Variants in SPATA6 observed in about 807,000 individuals in gnomAD.
SPATA6 encodes spermatogenesis associated 6.
In SPATA6, 56 loss-of-function variants were observed where a neutral mutation model predicts 65.3. The observed-to-expected ratio is 0.86, with a 90% CI of 0.69 to 1.07. The LOEUF (loss-of-function observed/expected upper bound fraction) is 1.07, where lower values mean the gene tolerates loss of function less well. SPATA6 is among the 50% of genes least tolerant of loss of function. The pLI is 0.00. For synonymous variants in SPATA6, 199 were observed against 213.2 expected (o/e 0.93, Z 0.58); for missense variants, 590 against 594.8 (o/e 0.99, Z 0.08).
Position 48,298,640 on chromosome 1 carries a change from C to A in SPATA6, c.*73G>T. ...CCCATTTTTTTTAAAAAAAGGAATACAGATATTGATCACATCAAACATTTT... is the reference window on the plus strand; with the variant it reads ...CCCATTTTTTTTAAAAAAAGGAATAAAGATATTGATCACATCAAACATTTT... On this transcript the variant is annotated 3_prime_UTR_variant, in exon 13 of 13. Coordinates refer to ENST00000371847, the MANE Select transcript of SPATA6 (RefSeq NM_019073.4). The A allele has an allele frequency of 7.1e-7, 1 of 1,403,270 alleles. No individual in the cohort carries two copies. Among genetic ancestry groups the A allele is most frequent in the Non-Finnish European group, 9.6e-7 (1 of 1,040,398 alleles). The allele number at this position is 1,403,270 out of a possible 1,614,324, so 86.9% of individuals were successfully genotyped here. A position where few individuals can be genotyped will look rare whatever the true frequency, so the allele number is the denominator to read the frequency against.
chr1:48,316,552 CTT>C (rs1295386383), intron 11 of SPATA6, among the ~76,000 whole-genome samples: 3,621 of 151,942 alleles, frequency 0.024, 94 homozygotes, highest in African/African-American at 0.067. Context: ...TAAAGACTTA[CTT>C]GTTAGACCTA....
rs1446170834 is a variant in SPATA6 at position 48,326,531 on chromosome 1, A to AG, written c.1195-20654_1195-20653insC. ...AAAGTTCATATGAAACAAAAAAAAA[A>AG]AAAAAGAAAAAGCCTGAATAGCTAA... is the stretch of plus-strand genomic sequence containing the variant. On this transcript the variant is annotated intron_variant, in intron 11 of 12. Transcript: ENST00000371847. Among the ~76,000 whole-genome samples, 3 of 151,842 alleles carry AG rather than the reference A, an allele frequency of 2.0e-5. No homozygotes were observed. In the East Asian group the frequency reaches 5.8e-4, roughly 29 times the overall value.
chr1:48,262,349 T>C, the SPATA6 span: 1 of 152,080 alleles, frequency 6.6e-6, no homozygotes, highest in Non-Finnish European at 1.5e-5. Context: ...CTTCTGAAAA[T>C]GGCACCAAGG....
At chr1:48,407,187 GCTGATGAC>G in intron 5 of SPATA6, among the ~76,000 whole-genome samples, 1 of 152,110 alleles carries the variant, frequency 6.6e-6, no homozygotes, top group Non-Finnish European at 1.5e-5. Flanking sequence ...CCTACCCTCT[GCTGATGAC>G]CTGTGTATAG....
In SPATA6 at chr1:48,355,656, T is replaced by A. The variant is rs1646637681; in HGVS notation, c.1194+14A>T. The A allele has an allele frequency of 6.3e-7, 1 of 1,577,746 alleles. No individual in the cohort carries two copies. The highest frequency in any genetic ancestry group is 8.7e-7 in the Non-Finnish European group (1 of 1,156,038). ...ATTATAAATAGTCTTCAAAAAAAAA[T>A]TTTAGAAACTAACATATAAATGTCT... On this transcript the variant is annotated intron_variant, in intron 11 of 12. Transcript: ENST00000371847.
intron 3 of SPATA6, among the ~76,000 whole-genome samples, chr1:48,416,706 G>A (rs530934091): frequency 1.3e-5 from 2 of 151,882 alleles, no homozygotes; most frequent in South Asian, 4.2e-4. Flanking sequence ...ACCTGACAAG[G>A]ACCTTATAAG....
At chr1:48,285,157 G>C in the SPATA6 span, among the ~76,000 whole-genome samples, 68,720 of 151,978 alleles carry the variant, frequency 0.45, 16,691 homozygotes, top group Middle Eastern at 0.56. Flanking sequence ...GAGGCACTCT[G>C]GTTACAGCAG....
rs142187102 is a variant in SPATA6, at chr1:48,442,691, T to C, written c.238+8861A>G. On this transcript the variant is annotated intron_variant, in intron 3 of 12. Coordinates refer to ENST00000371847, the MANE Select transcript of SPATA6 (RefSeq NM_019073.4). ...AGAAAGAGAGAAAGAGAAAGACAAGTCAAAGAGAAAGAGAGATGGAAGTAG... is the reference window on the plus strand; with the variant it reads ...AGAAAGAGAGAAAGAGAAAGACAAGCCAAAGAGAAAGAGAGATGGAAGTAG... 0.01 allele frequency among the ~76,000 whole-genome samples: 661 copies of C among 63,998 alleles called. 18 individuals are homozygous for C. The South Asian group carries it at 0.11, about 10-fold the overall frequency. The allele number at this position is 63,998 out of a possible 152,430, so 42.0% of individuals were successfully genotyped here.
In SPATA6 at chr1:48,296,799, T is replaced by G. The variant is rs1400978509; in HGVS notation, c.*1914A>C. 1.3e-5 allele frequency: 2 copies of G among 152,070 alleles called. No individual in the cohort carries two copies. The highest frequency in any genetic ancestry group is 4.8e-5 in the African/African-American group (2 of 41,404). 9.4% of individuals were successfully genotyped at this position (152,070 alleles called of 1,614,324 possible). ...TATCCACATGTACCTTAGGATGACA[T>G]TGGCAGGTAGTGTGAGGAGCTAGGG... On this transcript the variant is annotated 3_prime_UTR_variant, in exon 13 of 13. Coordinates refer to ENST00000371847, the MANE Select transcript of SPATA6 (RefSeq NM_019073.4).
At chr1:48,416,644 G>C (rs1231214466) in intron 3 of SPATA6, among the ~76,000 whole-genome samples, 1 of 151,710 alleles carries the variant, frequency 6.6e-6, no homozygotes, top group Non-Finnish European at 1.5e-5. Context: ...AACAGTAAAA[G>C]AAAGAATACT....
chr1:48,312,717 G>C (rs948223050), intron 11 of SPATA6, among the ~76,000 whole-genome samples: 2 of 151,376 alleles, frequency 1.3e-5, no homozygotes, highest in African/African-American at 2.4e-5. Flanking sequence ...GACGAGTTGA[G>C]AGAAGAAGGC....
chr1:48,376,800 GC>G (rs2148874603), intron 9 of SPATA6, among the ~76,000 whole-genome samples: 1 of 152,238 alleles, frequency 6.6e-6, no homozygotes, highest in East Asian at 1.9e-4. Flanking sequence ...TAATGGTATA[GC>G]CTATTGTACC....
At chr1:48,367,682 A>G (rs1220105601) in intron 9 of SPATA6, among the ~76,000 whole-genome samples, 5 of 152,106 alleles carry the variant, frequency 3.3e-5, no homozygotes, top group Non-Finnish European at 5.9e-5. Flanking sequence ...TTTTGAGCCT[A>G]TGTGTGTCTC....
intron 11 of SPATA6, among the ~76,000 whole-genome samples, chr1:48,321,914 G>A (rs1021618658): frequency 6.6e-6 from 1 of 152,116 alleles, no homozygotes; most frequent in Non-Finnish European, 1.5e-5. Context: ...GATAACCAGT[G>A]AGTCAATAAA....
intron 12 of SPATA6, among the ~76,000 whole-genome samples, chr1:48,305,185 TC>T (rs1181499218): frequency 2.0e-5 from 3 of 152,156 alleles, no homozygotes; most frequent in Non-Finnish European, 4.4e-5. Context: ...AATATTCCAT[TC>T]TTTGGAGCTT....
At chr1:48,320,728 A>C (rs756244083) in intron 11 of SPATA6, among the ~76,000 whole-genome samples, 5 of 152,220 alleles carry the variant, frequency 3.3e-5, no homozygotes, top group African/African-American at 7.2e-5. Context: ...ATATTATAAC[A>C]CTAACTGTGG....
chr1:48,436,182 T>G, intron 3 of SPATA6: 1 of 1,611,624 alleles, frequency 6.2e-7, no homozygotes, highest in Non-Finnish European at 8.5e-7. Flanking sequence ...ACAACTTGAC[T>G]TCTGTCCATC....
chr1:48,310,051 A>C (rs1645162289), intron 11 of SPATA6, among the ~76,000 whole-genome samples: 1 of 152,208 alleles, frequency 6.6e-6, no homozygotes, highest in African/African-American at 2.4e-5. Flanking sequence ...AAATCCCAGG[A>C]ATGTGTGGTA....
At chr1:48,400,115 G>A (rs1258426927) in intron 6 of SPATA6, among the ~76,000 whole-genome samples, 1 of 151,656 alleles carries the variant, frequency 6.6e-6, no homozygotes. Flanking sequence ...CATCCCTTCT[G>A]CTATAATTAT....
Sources: allele counts gnomAD v4.1 joint callset (sites outside exome capture counted in the v4.1 genomes callset), GRCh38; gene constraint gnomAD v4.1.1; transcripts MANE v1.5; gene names NCBI Gene and HGNC (gene_info 2026-07-23, HGNC 2026-07-21).